NAV1: variants seen among roughly 807,000 people sequenced by gnomAD.
NAV1 encodes the protein pore membrane and/or filament interacting like protein 3.
Under a neutral mutation model 175.2 loss-of-function variants are expected in NAV1, and 18 were observed. That is an observed-to-expected ratio of 0.10 (90% CI 0.07 to 0.15). The LOEUF is 0.15. NAV1 is among the 10% of genes least tolerant of loss of function. The pLI, the probability that NAV1 is intolerant of heterozygous loss-of-function variation, is 1.00. For missense variants in NAV1, 1,731 were observed against 2,436.6 expected, an observed-to-expected ratio of 0.71 and a Z score of 6.10; for synonymous variants, 897 against 978.7, an observed-to-expected ratio of 0.92 and a Z score of 1.56.
intron 3 of NAV1, among the ~76,000 whole-genome samples, chr1:201,751,551 A>G (rs1674107309): frequency 6.6e-6 from 1 of 152,222 alleles, no homozygotes; most frequent in South Asian, 2.1e-4. Flanking sequence ...GAAATATGGC[A>G]ATCCAATCTC....
At chr1:201,606,275 C>T (rs893440012) in intron 2 of NAV1, among the ~76,000 whole-genome samples, 1 of 152,194 alleles carries the variant, frequency 6.6e-6, no homozygotes, top group Non-Finnish European at 1.5e-5. Flanking sequence ...TGCGAAACCT[C>T]CTCTCCTGTG....
At position 201,787,217 on chromosome 1, in the gene NAV1, C is replaced by T. The variant is rs1676819371; in HGVS notation, c.2995+640C>T. Among the ~76,000 whole-genome samples, 1 of 152,212 alleles carries T rather than the reference C, an allele frequency of 6.6e-6. No individual in the cohort carries two copies. Among genetic ancestry groups the T allele is most frequent in the Non-Finnish European group, 1.5e-5 (1 of 68,038 alleles). On this transcript the variant is annotated intron_variant, in intron 9 of 29. Coordinates refer to ENST00000367296, the Ensembl canonical transcript of NAV1. This position sits in a 1 kb window ranked among gnomAD's most constrained non-coding sequence, Gnocchi z 4.3. ...GAGGGTCTGGCCTAGCACAGAAGCA[C>T]ACCAGCTCCGGTTCTGTGAAGCAGT...
Position 201,740,871 on chromosome 1 carries a change from A to G in NAV1, c.1226+22116A>G, listed in dbSNP as rs1223057766. 6.6e-6 allele frequency among the ~76,000 whole-genome samples: 1 copy of G among 151,984 alleles called. No homozygotes were observed. Among genetic ancestry groups the G allele is most frequent in the African/African-American group, 2.4e-5 (1 of 41,382 alleles). On this transcript the variant is annotated intron_variant, in intron 3 of 29. Transcript: ENST00000367296. The surrounding 1 kb of genome is among the most constrained non-coding windows in gnomAD (Gnocchi z 4.7). ...CTGCACTTCCAAGGGAGAATTAGGA[A>G]ATTCCACCGGCCTGAGAAAGGGGGC...
chr1:201,649,186 G>T, exon 1 of NAV1: 1 of 1,612,486 alleles, frequency 6.2e-7, no homozygotes, highest in East Asian at 2.2e-5. Context: ...AAGCCGAGCC[G>T]GATCCCTCGA....
intron 3 of NAV1, among the ~76,000 whole-genome samples, chr1:201,737,977 C>T (rs1029662526): frequency 5.3e-5 from 8 of 152,122 alleles, no homozygotes; most frequent in East Asian, 1.9e-4. Flanking sequence ...ACTCATTGTG[C>T]TCACCCCGTT....
At chr1:201,549,997 C>A (rs12744144) in intron 1 of NAV1, among the ~76,000 whole-genome samples, 1 of 114,256 alleles carries the variant, frequency 8.8e-6, no homozygotes, top group African/African-American at 3.5e-5. Flanking sequence ...GGCGACAGAG[C>A]GAGACTCCAT....
intron 3 of NAV1, among the ~76,000 whole-genome samples, chr1:201,736,730 CAAATG>C (rs1211317773): frequency 3.9e-5 from 6 of 152,164 alleles, no homozygotes; most frequent in Non-Finnish European, 7.4e-5. Flanking sequence ...GCACGGGAGA[CAAATG>C]AGATCATGGC....
At chr1:201,809,223 G>A (rs1678531411) in exon 21 of NAV1, 1 of 1,613,846 alleles carries the variant, frequency 6.2e-7, no homozygotes, top group Non-Finnish European at 8.5e-7. Context: ...GACCCTCCGG[G>A]TGGTGGTGAG....
chr1:201,582,745 G>A (rs192264441), intron 1 of NAV1, among the ~76,000 whole-genome samples: 1 of 152,338 alleles, frequency 6.6e-6, no homozygotes, highest in African/African-American at 2.4e-5. Flanking sequence ...CCTCGGGAAT[G>A]GGAGAGTGGG....
intron 2 of NAV1, among the ~76,000 whole-genome samples, chr1:201,592,374 A>G (rs987153466): frequency 1.3e-5 from 2 of 152,156 alleles, no homozygotes; most frequent in Non-Finnish European, 2.9e-5. Context: ...TGACAGAACA[A>G]GCAGAACTCC....
chr1:201,714,594 C>CA (rs1424379621), intron 2 of NAV1, among the ~76,000 whole-genome samples: 1 of 152,190 alleles, frequency 6.6e-6, no homozygotes, highest in Non-Finnish European at 1.5e-5. Flanking sequence ...CTCATAGCCC[C>CA]AAGCCCCCAG....
intron 1 of NAV1, among the ~76,000 whole-genome samples, chr1:201,576,107 C>G (rs574497099): frequency 6.6e-6 from 1 of 152,296 alleles, no homozygotes; most frequent in Admixed American, 6.5e-5. Context: ...ACAGAACAGT[C>G]CTGTCACCAC....
At chr1:201,609,832 G>A (rs900875539) in intron 2 of NAV1, among the ~76,000 whole-genome samples, 1 of 152,134 alleles carries the variant, frequency 6.6e-6, no homozygotes, top group East Asian at 1.9e-4. Context: ...ACTCTGGCCT[G>A]GAGGAAAGTG....
chr1:201,612,598 G>T (rs772400215), intron 2 of NAV1, among the ~76,000 whole-genome samples: 2 of 152,224 alleles, frequency 1.3e-5, no homozygotes, highest in Non-Finnish European at 2.9e-5. Flanking sequence ...GTGTCCTCAC[G>T]TGGTGGAAGA....
chr1:201,667,198 C>G (rs764757520), intron 1 of NAV1, among the ~76,000 whole-genome samples: 8 of 152,212 alleles, frequency 5.3e-5, no homozygotes, highest in Non-Finnish European at 1.0e-4. Flanking sequence ...CTAAGGATCA[C>G]CTGGGGCTCC....
At chr1:201,784,567 C>CAATTTTTTTTTTT (rs1162794675) in intron 7 of NAV1, among the ~76,000 whole-genome samples, 1 of 109,730 alleles carries the variant, frequency 9.1e-6, no homozygotes, top group Non-Finnish European at 2.0e-5. Flanking sequence ...ATAATACGAT[C>CAATTTTTTTTTTT]TATTTTTTTT....
intron 2 of NAV1, among the ~76,000 whole-genome samples, chr1:201,631,899 T>G (rs1286576679): frequency 6.6e-6 from 1 of 152,140 alleles, no homozygotes; most frequent in Non-Finnish European, 1.5e-5. Flanking sequence ...TTGCCCCCCA[T>G]CACCTAGCAC....
intron 2 of NAV1, among the ~76,000 whole-genome samples, chr1:201,635,633 T>C (rs1285827765): frequency 1.3e-5 from 2 of 152,192 alleles, no homozygotes; most frequent in Non-Finnish European, 2.9e-5. Flanking sequence ...CCACCCCCCT[T>C]CGCCCTGAGT....
intron 3 of NAV1, among the ~76,000 whole-genome samples, chr1:201,747,530 C>T (rs1434518117): frequency 1.3e-5 from 2 of 152,134 alleles, no homozygotes; most frequent in African/African-American, 4.8e-5. Flanking sequence ...TGCCCCTAGA[C>T]ACAGTGGCGA....
Sources: allele counts gnomAD v4.1 joint callset (sites outside exome capture counted in the v4.1 genomes callset), GRCh38; gene constraint gnomAD v4.1.1; non-coding constraint Gnocchi (gnomAD v3.1); transcripts MANE v1.5; gene names NCBI Gene and HGNC (gene_info 2026-07-23, HGNC 2026-07-21).